The following AAGAB variants were observed in gnomAD, a reference collection of about 807,000 sequenced individuals.
AAGAB encodes alpha- and gamma-adaptin-binding protein p34.
AAGAB carries 38 observed loss-of-function variants against 44.1 expected under a neutral mutation model. That is an observed-to-expected ratio of 0.86 (90% CI 0.67 to 1.13). The LOEUF is 1.13. Among genes scored for constraint, AAGAB ranks in the 50% most tolerant of loss-of-function variants. The probability of loss-of-function intolerance (pLI) is 0.00; values close to 1 mark genes in which losing one functional copy is unlikely to be tolerated. For synonymous variants in AAGAB, 131 were observed against 131.8 expected (o/e 0.99, Z 0.04); for missense variants, 450 against 373.8 (o/e 1.20, Z -1.68).
chr15:67,203,611 A>G lies in AAGAB; in HGVS notation c.821-14T>C, dbSNP rs368788098. The G allele has an allele frequency of 1.6e-5, 26 of 1,612,308 alleles. No individual in the cohort carries two copies. In the African/African-American group the frequency reaches 2.7e-4, roughly 17 times the overall value. On this transcript the variant is annotated splice_polypyrimidine_tract_variant and intron_variant, in intron 8 of 9. Transcript: ENST00000261880. Reference sequence around the variant, plus strand: ...TCGCAGCCTTGTCTAGGGGGAAAATATATCTTAAGAAATTTGTCTAATAGC... The same window carrying G: ...TCGCAGCCTTGTCTAGGGGGAAAATGTATCTTAAGAAATTTGTCTAATAGC...
In AAGAB at chr15:67,251,328, C is replaced by T. The variant is rs957010375; in HGVS notation, c.73+3231G>A. Among the ~76,000 whole-genome samples, 9 of 152,200 alleles carry T rather than the reference C, an allele frequency of 5.9e-5. No individual in the cohort carries two copies. In the South Asian group the frequency reaches 1.0e-3, roughly 18 times the overall value. ...GCACCATCACAACTCACTACAGCCT[C>T]GATCTCCCAGGCTCAAGCAATCCTC... On this transcript the variant is annotated intron_variant, in intron 1 of 9. Transcript: ENST00000261880.
intron 4 of AAGAB, among the ~76,000 whole-genome samples, chr15:67,233,040 C>T (rs929469039): frequency 3.3e-5 from 5 of 152,188 alleles, no homozygotes; most frequent in South Asian, 2.1e-4. Context: ...CCACTTATTA[C>T]ACACATTCCT....
chr15:67,233,166 C>T lies in AAGAB; in HGVS notation c.452-1269G>A, dbSNP rs1000183601. Reference sequence around the variant, plus strand: ...AAATGCTCTATCCTGTGCTGGAAACCATAGAATAATAAGTGTTATTTTTGA... The same window carrying T: ...AAATGCTCTATCCTGTGCTGGAAACTATAGAATAATAAGTGTTATTTTTGA... On this transcript the variant is annotated intron_variant, in intron 4 of 9. Coordinates refer to ENST00000261880, the MANE Select transcript of AAGAB (RefSeq NM_024666.5). Among the ~76,000 whole-genome samples the T allele has an allele frequency of 2.0e-5, 3 of 152,072 alleles. No homozygotes were observed. In the South Asian group the frequency reaches 6.2e-4, roughly 32 times the overall value.
intron 5 of AAGAB, among the ~76,000 whole-genome samples, chr15:67,216,325 C>T (rs1963944976): frequency 6.6e-6 from 1 of 151,074 alleles, no homozygotes; most frequent in South Asian, 2.1e-4. Context: ...GCCTGTAGTC[C>T]CAGCTACTGG....
intron 5 of AAGAB, among the ~76,000 whole-genome samples, chr15:67,219,685 A>C (rs1477590449): frequency 6.6e-6 from 1 of 152,158 alleles, no homozygotes; most frequent in Non-Finnish European, 1.5e-5. Flanking sequence ...AAGGATTGAA[A>C]AACGATCTAT....
At chr15:67,234,282 G>A (rs929777006) in intron 4 of AAGAB, among the ~76,000 whole-genome samples, 1 of 151,762 alleles carries the variant, frequency 6.6e-6, no homozygotes, top group Non-Finnish European at 1.5e-5. Flanking sequence ...TAAAAATAAA[G>A]AAAGAAAATA....
At chr15:67,220,803 T>C (rs932996666) in intron 5 of AAGAB, among the ~76,000 whole-genome samples, 1 of 152,208 alleles carries the variant, frequency 6.6e-6, no homozygotes, top group African/African-American at 2.4e-5. Context: ...ACTTCTCAAC[T>C]TGAATTAGGT....
chr15:67,247,030 C>T (rs1177619906), intron 1 of AAGAB, among the ~76,000 whole-genome samples: 1 of 152,206 alleles, frequency 6.6e-6, no homozygotes, highest in Admixed American at 6.5e-5. Context: ...AGTTGTAACA[C>T]TCACCGTGAG....
At chr15:67,224,601 T>G (rs1013510328) in intron 5 of AAGAB, among the ~76,000 whole-genome samples, 3 of 150,210 alleles carry the variant, frequency 2.0e-5, no homozygotes, top group Admixed American at 6.6e-5. Context: ...TTTTTTTTTT[T>G]GAGCAGTCTC....
intron 1 of AAGAB, among the ~76,000 whole-genome samples, chr15:67,241,560 TAGAC>T (rs745786602): frequency 2.4e-4 from 36 of 151,996 alleles, no homozygotes; most frequent in East Asian, 2.1e-3. Context: ...GCATGGAAAA[TAGAC>T]AGCACAGACC....
chr15:67,219,669 G>A lies in AAGAB; in HGVS notation c.536-10125C>T, dbSNP rs180814760. Among the ~76,000 whole-genome samples the A allele has an allele frequency of 2.5e-3, 381 of 152,100 alleles. 1 individual carries two copies. Among genetic ancestry groups the A allele is most frequent in the Admixed American group, 3.5e-3 (54 of 15,290 alleles). ...ACTGAGACTTCAAAGTGGGAGGGAG[G>A]GGGGCAAGGATTGAAAAACGATCTA... On this transcript the variant is annotated intron_variant, in intron 5 of 9. Coordinates refer to ENST00000261880, the MANE Select transcript of AAGAB (RefSeq NM_024666.5).
At chr15:67,243,772 T>C (rs2140391678) in intron 1 of AAGAB, among the ~76,000 whole-genome samples, 1 of 152,322 alleles carries the variant, frequency 6.6e-6, no homozygotes, top group South Asian at 2.1e-4. Flanking sequence ...CTGAAACTAG[T>C]CATTACAGTC....
At chr15:67,245,515 C>T (rs935498173) in intron 1 of AAGAB, among the ~76,000 whole-genome samples, 19 of 152,106 alleles carry the variant, frequency 1.2e-4, no homozygotes, top group Non-Finnish European at 1.9e-4. Flanking sequence ...TCTGGGATGA[C>T]GGAAATGTTC....
At chr15:67,238,620 AAAAC>A (rs1250282257) in intron 1 of AAGAB, among the ~76,000 whole-genome samples, 1 of 152,238 alleles carries the variant, frequency 6.6e-6, no homozygotes, top group African/African-American at 2.4e-5. Context: ...GAAAGAAACT[AAAAC>A]AAGGAGCAAA....
At chr15:67,229,541 C>T (rs1440941917) in intron 5 of AAGAB, among the ~76,000 whole-genome samples, 1 of 151,432 alleles carries the variant, frequency 6.6e-6, no homozygotes, top group Non-Finnish European at 1.5e-5. Flanking sequence ...ATCTAGCACC[C>T]TTGCAATTCA....
At chr15:67,215,087 C>A in intron 5 of AAGAB, among the ~76,000 whole-genome samples, 1 of 152,146 alleles carries the variant, frequency 6.6e-6, no homozygotes, top group East Asian at 1.9e-4. Context: ...ATGATTTCAG[C>A]CCCTAATTAC....
intron 5 of AAGAB, 91 bp from the exon 6 acceptor site, chr15:67,209,635 G>A (rs983561407): frequency 1.3e-5 from 13 of 1,027,822 alleles, no homozygotes; most frequent in Non-Finnish European, 2.0e-5. Flanking sequence ...CTACTTATTT[G>A]TTACCAAAGT....
intron 1 of AAGAB, among the ~76,000 whole-genome samples, chr15:67,244,800 T>A (rs1304236192): frequency 6.6e-6 from 1 of 151,216 alleles, no homozygotes; most frequent in Non-Finnish European, 1.5e-5. Flanking sequence ...TGAGACTCCG[T>A]CTTAAAAAAA....
intron 5 of AAGAB, among the ~76,000 whole-genome samples, chr15:67,222,238 G>GCA (rs1280858919): frequency 3.1e-4 from 14 of 45,836 alleles, no homozygotes; most frequent in South Asian, 1.6e-3. Context: ...GCACGCGCGC[G>GCA]CGCGCACACA....
Sources: allele counts gnomAD v4.1 joint callset (sites outside exome capture counted in the v4.1 genomes callset), GRCh38; gene constraint gnomAD v4.1.1; transcripts MANE v1.5; gene names NCBI Gene and HGNC (gene_info 2026-07-23, HGNC 2026-07-21).